FNBP4: variants seen among roughly 807,000 people sequenced by gnomAD.
FNBP4 encodes formin binding protein 4.
FNBP4 carries 34 observed loss-of-function variants against 119.3 expected under a neutral mutation model. The observed-to-expected ratio is 0.28, with a 90% CI of 0.22 to 0.38. The LOEUF is 0.38. Ranked by LOEUF, FNBP4 falls within the 10% of genes least tolerant of loss-of-function variation. FNBP4 has a pLI of 1.00. For missense variants in FNBP4, 1,112 were observed against 1,228.9 expected (o/e 0.90, Z 1.42); for synonymous variants, 462 against 430.6 (o/e 1.07, Z -0.90).
At chr11:47,750,381 CAAAAAAAAAAA>C (rs59583797) in intron 6 of FNBP4, among the ~76,000 whole-genome samples, 2 of 24,752 alleles carry the variant, frequency 8.1e-5, no homozygotes, top group Non-Finnish European at 1.3e-4. Context: ...GACTCCATAT[CAAAAAAAAAAA>C]AAAAAAAAAA....
chr11:47,732,363 T>C lies in FNBP4; in HGVS notation c.1820+174A>G. ...GAACACTTTAAACATTGCTTTTGTTTCTCCAATGTGTGGCTGGCCAAACTT... is the reference window on the plus strand; with the variant it reads ...GAACACTTTAAACATTGCTTTTGTTCCTCCAATGTGTGGCTGGCCAAACTT... On this transcript the variant is annotated intron_variant, in intron 11 of 16. Coordinates refer to ENST00000263773, the MANE Select transcript of FNBP4 (RefSeq NM_015308.5). The surrounding 1 kb of genome is among the most constrained non-coding windows in gnomAD (Gnocchi z 4.2). 2 of 1,506,580 alleles carry C rather than the reference T, an allele frequency of 1.3e-6. No homozygotes were observed. The highest frequency in any genetic ancestry group is 2.8e-5 in the South Asian group (2 of 72,672). The allele number at this position is 1,506,580 out of a possible 1,614,324, so 93.3% of individuals were successfully genotyped here.
intron 16 of FNBP4, among the ~76,000 whole-genome samples, chr11:47,718,910 T>TG (rs1441528555): frequency 6.6e-6 from 1 of 151,270 alleles, no homozygotes; most frequent in African/African-American, 2.4e-5. Flanking sequence ...AACATGTTTT[T>TG]TTTTTTTTTT....
At chr11:47,749,872 A>C (rs759931725) in intron 6 of FNBP4, among the ~76,000 whole-genome samples, 4 of 152,192 alleles carry the variant, frequency 2.6e-5, no homozygotes, top group Non-Finnish European at 4.4e-5. Flanking sequence ...TCAAAATCTA[A>C]ATTATCTCCG....
intron 6 of FNBP4, among the ~76,000 whole-genome samples, chr11:47,750,013 G>C (rs2097598750): frequency 6.6e-6 from 1 of 152,072 alleles, no homozygotes; most frequent in Non-Finnish European, 1.5e-5. Context: ...GTGGAGCCCT[G>C]TCTGGACTGC....
At chr11:47,760,474 C>T (rs1191875560) in intron 2 of FNBP4, among the ~76,000 whole-genome samples, 1 of 151,056 alleles carries the variant, frequency 6.6e-6, no homozygotes, top group East Asian at 1.9e-4. Flanking sequence ...CACTGTCACC[C>T]AGGCTGGAGC....
At chr11:47,754,066 G>C (rs1329573860) in intron 3 of FNBP4, among the ~76,000 whole-genome samples, 2 of 152,000 alleles carry the variant, frequency 1.3e-5, no homozygotes, top group African/African-American at 4.8e-5. Flanking sequence ...TCAGCTGGGT[G>C]TGGTGGCACA....
At chr11:47,726,857 A>G (rs908377012) in intron 12 of FNBP4, 22 of 152,226 alleles carry the variant, frequency 1.4e-4, no homozygotes, top group African/African-American at 4.6e-4. Flanking sequence ...GTAAGTAAAT[A>G]TAAGTTAAGA....
intron 12 of FNBP4, chr11:47,729,062 G>C (rs2097564490): frequency 1.7e-6 from 1 of 591,196 alleles, no homozygotes; most frequent in Non-Finnish European, 2.1e-6. Context: ...ATGTTGCCCA[G>C]GCTGGTCTTG....
intron 16 of FNBP4, 29 bp from the exon 17 acceptor site, chr11:47,717,541 G>C: frequency 6.7e-7 from 1 of 1,499,230 alleles, no homozygotes; most frequent in Non-Finnish European, 9.1e-7. Flanking sequence ...GATTATTTTA[G>C]TGGAAAGAAA....
At chr11:47,728,395 A>G (rs935012583) in intron 12 of FNBP4, among the ~76,000 whole-genome samples, 1 of 151,236 alleles carries the variant, frequency 6.6e-6, no homozygotes, top group African/African-American at 2.4e-5. Flanking sequence ...GATTACAGGC[A>G]CCCGCCACGA....
chr11:47,766,003 A>C (rs374619575), intron 1 of FNBP4, among the ~76,000 whole-genome samples: 1 of 151,860 alleles, frequency 6.6e-6, no homozygotes, highest in Non-Finnish European at 1.5e-5. Flanking sequence ...ATCTGCTTAC[A>C]AACTTCAACA....
chr11:47,746,740 T>G (rs1193712976), intron 6 of FNBP4, among the ~76,000 whole-genome samples: 1 of 152,166 alleles, frequency 6.6e-6, no homozygotes, highest in African/African-American at 2.4e-5. Context: ...CTCAAACTAC[T>G]GACCTTGTGA....
intron 2 of FNBP4, among the ~76,000 whole-genome samples, chr11:47,762,315 G>A (rs1181395006): frequency 1.3e-5 from 2 of 151,862 alleles, no homozygotes; most frequent in Admixed American, 6.6e-5. Flanking sequence ...TTTTAGTAGC[G>A]ATGGGGTTTC....
intron 15 of FNBP4, among the ~76,000 whole-genome samples, chr11:47,722,734 G>A (rs1303011589): frequency 6.6e-6 from 1 of 152,012 alleles, no homozygotes. Context: ...GGGATTACAG[G>A]TGCGTGCCAC....
At chr11:47,719,886 C>T in intron 16 of FNBP4, 43 bp downstream of exon 16, 1 of 1,607,572 alleles carries the variant, frequency 6.2e-7, no homozygotes, top group South Asian at 1.1e-5. Context: ...AGGTCTCAAC[C>T]TACTCCAAAA....
intron 4 of FNBP4, 121 bp from the exon 5 acceptor site, chr11:47,751,411 G>C (rs75671270): frequency 0.12 from 133,965 of 1,146,790 alleles, 8,906 homozygotes; most frequent in Non-Finnish European, 0.13. Flanking sequence ...TGGGCACACA[G>C]GTCTTTGTTG....
Position 47,732,740 on chromosome 11 carries a change from A to C in FNBP4, c.1687-70T>G. 3 of 1,449,690 alleles carry C rather than the reference A, an allele frequency of 2.1e-6. No individual in the cohort carries two copies. The highest frequency in any genetic ancestry group is 2.9e-6 in the Non-Finnish European group (3 of 1,034,792). 89.8% of individuals were successfully genotyped at this position (1,449,690 alleles called of 1,614,324 possible). On this transcript the variant is annotated intron_variant, in intron 10 of 16. Transcript: ENST00000263773. This position sits in a 1 kb window ranked among gnomAD's most constrained non-coding sequence, Gnocchi z 4.2. The stretch of plus-strand genomic sequence containing the variant: ...CAGGAGACACAGGCAAAGGGGATAT[A>C]AACCTTCTGCTCCAAGACTATATCC...
chr11:47,739,865 A>G (rs1455587212), intron 8 of FNBP4, among the ~76,000 whole-genome samples: 1 of 152,044 alleles, frequency 6.6e-6, no homozygotes, highest in African/African-American at 2.4e-5. Context: ...CACAACCTCC[A>G]TCTCCCAGGT....
At chr11:47,720,714 A>T (rs536974206) in intron 15 of FNBP4, among the ~76,000 whole-genome samples, 1 of 151,350 alleles carries the variant, frequency 6.6e-6, no homozygotes, top group African/African-American at 2.4e-5. Context: ...TCAGAATTAC[A>T]GTGTTCCCGT....
Sources: allele counts gnomAD v4.1 joint callset (sites outside exome capture counted in the v4.1 genomes callset), GRCh38; gene constraint gnomAD v4.1.1; non-coding constraint Gnocchi (gnomAD v3.1); transcripts MANE v1.5; gene names NCBI Gene and HGNC (gene_info 2026-07-23, HGNC 2026-07-21).